The following DYM variants were observed in gnomAD, a reference collection of about 807,000 sequenced individuals.
The protein encoded by DYM is dymeclin, also known as dyggve-Melchior-Clausen syndrome protein.
DYM carries 78 observed loss-of-function variants against 93.1 expected under a neutral mutation model. The ratio of observed to expected loss-of-function variants is 0.84; its 90% confidence interval spans 0.70 to 1.01. The LOEUF (loss-of-function observed/expected upper bound fraction) is 1.01, where lower values mean the gene tolerates loss of function less well. Ranked by LOEUF, DYM falls within the 50% of genes least tolerant of loss-of-function variation. The pLI is 0.00. For missense variants in DYM, 789 were observed against 845.0 expected, an observed-to-expected ratio of 0.93 and a Z score of 0.82; for synonymous variants, 321 against 319.7, an observed-to-expected ratio of 1.00 and a Z score of -0.04.
intron 16 of DYM, among the ~76,000 whole-genome samples, chr18:49,102,709 T>C (rs1256510806): frequency 2.6e-5 from 4 of 152,188 alleles, no homozygotes; most frequent in Admixed American, 6.5e-5. Flanking sequence ...AATGATGGTT[T>C]CCAGCTTCAT....
At chr18:49,340,477 T>C (rs1477199492) in intron 6 of DYM, among the ~76,000 whole-genome samples, 1 of 151,978 alleles carries the variant, frequency 6.6e-6, no homozygotes, top group Non-Finnish European at 1.5e-5. Flanking sequence ...TGGCTATCTA[T>C]GGGAAAGAAA....
intron 8 of DYM, among the ~76,000 whole-genome samples, chr18:49,315,112 G>T (rs536430413): frequency 5.3e-5 from 8 of 151,592 alleles, no homozygotes; most frequent in African/African-American, 1.9e-4. Flanking sequence ...CTACTCAGAA[G>T]GCTGAGGTGG....
chr18:49,121,508 C>G (rs2082379184), intron 15 of DYM, among the ~76,000 whole-genome samples: 3 of 152,056 alleles, frequency 2.0e-5, no homozygotes, highest in Admixed American at 2.0e-4. Context: ...CTGAGCATTT[C>G]CTATAAATAA....
In DYM at chr18:49,392,681, T is replaced by TTAAA. The variant is rs1452175055; in HGVS notation, c.141-1037_141-1036insTTTA. ...CACACCCATTGGGATGGCTTTTATT[T>TTAAA]AAAAAAAAAAAAAAAAAAAAAAAAA... On this transcript the variant is annotated intron_variant, in intron 2 of 17. Coordinates refer to ENST00000675505, the MANE Select transcript of DYM (RefSeq NM_001353214.3). 3.7e-3 allele frequency among the ~76,000 whole-genome samples: 252 copies of TTAAA among 68,512 alleles called. 4 individuals are homozygous for TTAAA. Among genetic ancestry groups the TTAAA allele is most frequent in the Middle Eastern group, 0.017 (1 of 60 alleles). 44.9% of individuals were successfully genotyped at this position (68,512 alleles called of 152,430 possible). A position where few individuals can be genotyped will look rare whatever the true frequency, so the allele number is the denominator to read the frequency against.
intron 6 of DYM, 58 bp downstream of exon 6, chr18:49,363,103 A>G (rs927784466): frequency 1.5e-6 from 2 of 1,376,566 alleles, no homozygotes; most frequent in Non-Finnish European, 2.1e-6. Flanking sequence ...AACATGATCA[A>G]TGATTATCTG....
chr18:49,191,201 GAAT>G (rs1298302131), intron 14 of DYM, among the ~76,000 whole-genome samples: 1 of 151,980 alleles, frequency 6.6e-6, no homozygotes, highest in Non-Finnish European at 1.5e-5. Context: ...AAAGTTAGCA[GAAT>G]AATAAATACA....
chr18:49,188,160 G>T (rs959568897), intron 14 of DYM, among the ~76,000 whole-genome samples: 2 of 152,180 alleles, frequency 1.3e-5, no homozygotes, highest in African/African-American at 4.8e-5. Context: ...TTGGCTGTTT[G>T]GGGGGTAGCA....
intron 13 of DYM, among the ~76,000 whole-genome samples, chr18:49,245,389 G>T (rs145080128): frequency 6.6e-6 from 1 of 152,150 alleles, no homozygotes; most frequent in African/African-American, 2.4e-5. Flanking sequence ...TGCAGAAAGC[G>T]AGTAGGAGAA....
chr18:49,313,770 G>A (rs773350896), intron 8 of DYM, among the ~76,000 whole-genome samples: 27 of 152,086 alleles, frequency 1.8e-4, no homozygotes, highest in African/African-American at 5.5e-4. Flanking sequence ...GATCTGGATC[G>A]GGACCCCTTT....
At chr18:49,127,678 G>A (rs1289600325) in intron 15 of DYM, among the ~76,000 whole-genome samples, 1 of 152,186 alleles carries the variant, frequency 6.6e-6, no homozygotes, top group Admixed American at 6.5e-5. Context: ...CAATCACTTG[G>A]TGACAGACTC....
intron 2 of DYM, among the ~76,000 whole-genome samples, chr18:49,420,505 TATACA>T (rs572689657): frequency 6.6e-6 from 1 of 151,994 alleles, no homozygotes; most frequent in Non-Finnish European, 1.5e-5. Context: ...AATCCAATTG[TATACA>T]ATAAAGTTAA....
At chr18:49,139,997 G>A (rs1307491196) in intron 15 of DYM, among the ~76,000 whole-genome samples, 5 of 152,092 alleles carry the variant, frequency 3.3e-5, no homozygotes, top group Middle Eastern at 3.4e-3. Flanking sequence ...TTTAATTTGC[G>A]TGCTTTTATA....
At chr18:49,163,609 G>A (rs2087467086) in intron 15 of DYM, 76 bp downstream of exon 15, 5 of 943,382 alleles carry the variant, frequency 5.3e-6, no homozygotes, top group Admixed American at 4.0e-5. Flanking sequence ...CTCCCAAAGT[G>A]CTGGGATTAC....
intron 1 of DYM, among the ~76,000 whole-genome samples, chr18:49,441,188 TA>T (rs2081492731): frequency 2.7e-5 from 1 of 36,670 alleles, no homozygotes; most frequent in African/African-American, 1.1e-4. Context: ...TATATTTATA[TA>T]TAATATATTA....
At chr18:49,208,182 C>CA (rs138264681) in intron 14 of DYM, among the ~76,000 whole-genome samples, 4,477 of 57,614 alleles carry the variant, frequency 0.078, 383 homozygotes, top group African/African-American at 0.21. Flanking sequence ...GACTCCATCT[C>CA]AAAAAAAAAA....
intron 5 of DYM, among the ~76,000 whole-genome samples, chr18:49,377,556 T>C (rs2067623677): frequency 6.6e-6 from 1 of 151,894 alleles, no homozygotes; most frequent in African/African-American, 2.4e-5. Context: ...CGAGACTCCA[T>C]CTCAAAAAAA....
At chr18:49,240,902 A>G (rs2093994558) in intron 13 of DYM, among the ~76,000 whole-genome samples, 5 of 152,200 alleles carry the variant, frequency 3.3e-5, no homozygotes, top group Admixed American at 3.3e-4. Context: ...CATTTTTACT[A>G]TTTCGCCAAG....
At chr18:49,268,012 C>T (rs1220715913) in intron 11 of DYM, among the ~76,000 whole-genome samples, 1 of 152,154 alleles carries the variant, frequency 6.6e-6, no homozygotes, top group African/African-American at 2.4e-5. Flanking sequence ...TATATGAGGT[C>T]TCTCTTACTT....
chr18:49,084,943 G>A (rs1386287031), intron 17 of DYM, among the ~76,000 whole-genome samples: 1 of 152,240 alleles, frequency 6.6e-6, no homozygotes, highest in Middle Eastern at 3.4e-3. Flanking sequence ...GGTATATTGG[G>A]ACTTCTGGGC....
Sources: gnomAD v4.1 joint callset for allele counts (sites outside exome capture counted in the v4.1 genomes callset) on GRCh38, gnomAD v4.1.1 for gene constraint, MANE v1.5 for transcripts, NCBI Gene and HGNC (gene_info 2026-07-23, HGNC 2026-07-21) for gene names.